Variants in SIPA1L3 observed in about 807,000 individuals in gnomAD.
SIPA1L3 encodes the protein signal induced proliferation associated 1 like 3.
Under a neutral mutation model 150.1 loss-of-function variants are expected in SIPA1L3, and 59 were observed. That is an observed-to-expected ratio of 0.39 (90% CI 0.32 to 0.49). SIPA1L3 has a LOEUF of 0.49. SIPA1L3 is among the 20% of genes least tolerant of loss of function. The pLI, the probability that SIPA1L3 is intolerant of heterozygous loss-of-function variation, is 0.86. For synonymous variants in SIPA1L3, 1,070 were observed against 1,077.6 expected, an observed-to-expected ratio of 0.99 and a Z score of 0.14; for missense variants, 2,211 against 2,489.5, an observed-to-expected ratio of 0.89 and a Z score of 2.38.
chr19:37,909,356 C>T (rs1374182611), intron 1 of SIPA1L3, among the ~76,000 whole-genome samples: 8 of 151,896 alleles, frequency 5.3e-5, no homozygotes, highest in Non-Finnish European at 8.8e-5. Flanking sequence ...TACAGGTGCC[C>T]GCCACCACAC....
At chr19:37,909,543 C>T (rs1369158014) in intron 1 of SIPA1L3, among the ~76,000 whole-genome samples, 2 of 152,158 alleles carry the variant, frequency 1.3e-5, no homozygotes, top group Non-Finnish European at 2.9e-5. Flanking sequence ...TAGGGATTAA[C>T]ATACGTAAAC....
chr19:38,082,270 C>A lies in SIPA1L3; in HGVS notation c.705C>A (p.Cys235Ter), dbSNP rs1369064842. 2 of 1,600,298 alleles carry A rather than the reference C, an allele frequency of 1.2e-6. No homozygotes were observed. The highest frequency in any genetic ancestry group is 1.7e-6 in the Non-Finnish European group (2 of 1,179,654). The change falls in exon 3 of 22, where the codon TGC (cysteine) becomes TGA (stop). Residue 235 changes from cysteine (C) to a stop codon, truncating the protein, a stop_gained. Transcript: ENST00000222345. LOFTEE classifies it high-confidence loss of function. ...GCGAGCAGCCCGACGCCCGAGGGTG[C>A]CAGGCCCTCACCGAGCTCCTCCGGG... ...FRSEQPDARGCQALTELLRAD... is the reference protein window; with the variant it reads ...FRSEQPDARG
chr19:38,011,148 T>C (rs1012004853), intron 1 of SIPA1L3, among the ~76,000 whole-genome samples: 1 of 152,130 alleles, frequency 6.6e-6, no homozygotes, highest in Non-Finnish European at 1.5e-5. Flanking sequence ...CCTGTACCCA[T>C]AGAGTTCATA....
chr19:37,973,357 C>G (rs149132449), intron 1 of SIPA1L3, among the ~76,000 whole-genome samples: 1,542 of 150,846 alleles, frequency 0.01, 32 homozygotes, highest in African/African-American at 0.036. Flanking sequence ...CTGCCTCAGT[C>G]TCCCAAGTAG....
At chr19:38,086,753 G>A (rs1470992848) in intron 3 of SIPA1L3, among the ~76,000 whole-genome samples, 1 of 152,228 alleles carries the variant, frequency 6.6e-6, no homozygotes, top group African/African-American at 2.4e-5. Flanking sequence ...ATCACAGCAG[G>A]CATAGGGACC....
chr19:37,979,907 C>T (rs1599862764), intron 1 of SIPA1L3, among the ~76,000 whole-genome samples: 1 of 152,230 alleles, frequency 6.6e-6, no homozygotes, highest in Non-Finnish European at 1.5e-5. Context: ...CTGTTGGTGC[C>T]TCCGCGTGCA....
chr19:37,947,348 G>A (rs1358542735), intron 1 of SIPA1L3, among the ~76,000 whole-genome samples: 1 of 152,006 alleles, frequency 6.6e-6, no homozygotes, highest in African/African-American at 2.4e-5. Context: ...AATTAGCTGG[G>A]TGTGGTGGCA....
intron 7 of SIPA1L3, among the ~76,000 whole-genome samples, chr19:38,107,526 G>A (rs1970649860): frequency 6.6e-6 from 1 of 152,248 alleles, no homozygotes; most frequent in African/African-American, 2.4e-5. Flanking sequence ...TGGGCCCACA[G>A]AGCAATTCTT....
At chr19:38,186,650 C>T (rs1262138955) in intron 16 of SIPA1L3, among the ~76,000 whole-genome samples, 2 of 151,506 alleles carry the variant, frequency 1.3e-5, no homozygotes, top group Non-Finnish European at 2.9e-5. Context: ...CCACCGCACC[C>T]GGCCCCTTTT....
Position 37,949,716 on chromosome 19 carries a change from C to T in SIPA1L3, c.-379+42358C>T, listed in dbSNP as rs113519270. The stretch of plus-strand genomic sequence containing the variant: ...TCTAGGAAGCCTGAAAGACCCACTC[C>T]CCTGCTGTCCTGGCCTAGGGTACAT... On this transcript the variant is annotated intron_variant, in intron 1 of 21. Coordinates refer to ENST00000222345, the MANE Select transcript of SIPA1L3 (RefSeq NM_015073.3). Among the ~76,000 whole-genome samples, 823 of 152,022 alleles carry T rather than the reference C, an allele frequency of 5.4e-3. 7 individuals are homozygous for T. Among genetic ancestry groups the T allele is most frequent in the African/African-American group, 0.019 (799 of 41,460 alleles).
chr19:38,005,633 C>G (rs1024198428), intron 1 of SIPA1L3, among the ~76,000 whole-genome samples: 1 of 152,186 alleles, frequency 6.6e-6, no homozygotes, highest in African/African-American at 2.4e-5. Context: ...AATGTCAGCT[C>G]CATAAAGGCA....
At chr19:38,029,349 T>C (rs912019262) in intron 2 of SIPA1L3, among the ~76,000 whole-genome samples, 193 bp downstream of exon 2, 2 of 152,150 alleles carry the variant, frequency 1.3e-5, no homozygotes, top group Non-Finnish European at 2.9e-5. Context: ...CTGCCAGACC[T>C]TTTCCCATAC....
chr19:38,187,534 G>T (rs958358921), intron 16 of SIPA1L3, among the ~76,000 whole-genome samples: 1 of 151,012 alleles, frequency 6.6e-6, no homozygotes, highest in Non-Finnish European at 1.5e-5. Context: ...TGGCTAACAC[G>T]GTGAAACCCC....
rs375276888 is a variant in SIPA1L3, at chr19:38,082,385, C to G, written c.820C>G (p.Leu274Val). ...GCCCGCCAAGGACAGCCTCCTGCCA[C>G]TGCAGCCCACGAAGGAGAAGGAGAA... ...GQPAKDSLLPLQPTKEKEKAR... is the reference protein window; with the variant it reads ...GQPAKDSLLPVQPTKEKEKAR... The change falls in exon 3 of 22, where the codon CTG (leucine) becomes GTG (valine). Residue 274 changes from leucine (L) to valine (V), a missense_variant. By Grantham distance (32) the Leu-to-Val change is conservative. Coordinates refer to ENST00000222345, the MANE Select transcript of SIPA1L3 (RefSeq NM_015073.3). 100 of 1,599,026 alleles carry G rather than the reference C, an allele frequency of 6.3e-5. No individual in the cohort carries two copies. The African/African-American group carries it at 9.9e-4, about 16-fold the overall frequency.
At chr19:38,174,247 G>T (rs941944511) in intron 15 of SIPA1L3, among the ~76,000 whole-genome samples, 1 of 152,144 alleles carries the variant, frequency 6.6e-6, no homozygotes, top group Non-Finnish European at 1.5e-5. Context: ...CGTCGCTTCT[G>T]CCCCACAGGC....
intron 1 of SIPA1L3, among the ~76,000 whole-genome samples, chr19:37,930,087 C>G (rs925101817): frequency 2.0e-5 from 3 of 148,602 alleles, no homozygotes; most frequent in African/African-American, 7.5e-5. Context: ...TGCAGTGGCG[C>G]GATCTCGGCT....
In SIPA1L3 at chr19:38,194,143, G is replaced by A. The variant is rs187700336; in HGVS notation, c.4840+363G>A. On this transcript the variant is annotated intron_variant, in intron 18 of 21. Transcript: ENST00000222345. ...CCTCCCACCCATTCCAGCTCTAAGC[G>A]GTTTGCTTCCTGAGCATTTTATTTG... Among the ~76,000 whole-genome samples, 280 of 147,128 alleles carry A rather than the reference G, an allele frequency of 1.9e-3. 1 individual carries two copies. Among genetic ancestry groups the A allele is most frequent in the African/African-American group, 6.3e-3 (252 of 40,264 alleles).
chr19:38,082,576 G>C lies in SIPA1L3; in HGVS notation c.1011G>C (p.Gln337His). ...PPEASRPWVC[Q>H]KSFAHFDVQS... ...AAGCCAGCAGGCCGTGGGTGTGTCAGAAGAGCTTCGCCCACTTCGACGTGC... is the reference window on the plus strand; with the variant it reads ...AAGCCAGCAGGCCGTGGGTGTGTCACAAGAGCTTCGCCCACTTCGACGTGC... Residue 337 changes from glutamine to histidine, a missense_variant, in exon 3 of 22, where the codon CAG becomes CAC. Physicochemically the swap from Gln to His is conservative, Grantham distance 24 (BLOSUM62 0). This residue lies in a region of SIPA1L3 where 587 missense variants were observed against 534.5 expected (regional missense o/e 1.10). Transcript: ENST00000222345. 3 of 1,604,220 alleles carry C rather than the reference G, an allele frequency of 1.9e-6. No homozygotes were observed. Among genetic ancestry groups the C allele is most frequent in the Non-Finnish European group, 2.5e-6 (3 of 1,179,306 alleles).
At position 38,081,551 on chromosome 19, in the gene SIPA1L3, C is replaced by A. The variant is rs575126283; in HGVS notation, c.-15C>A. ...ACAGCGTACGGGGCCAGCAGCACTC[C>A]AGTGCCCGTGGACTATGACCACCTA... On this transcript the variant is annotated 5_prime_UTR_variant, in exon 3 of 22. Coordinates refer to ENST00000222345, the MANE Select transcript of SIPA1L3 (RefSeq NM_015073.3). 2.6e-6 allele frequency: 4 copies of A among 1,561,858 alleles called. No homozygotes were observed. The highest frequency in any genetic ancestry group is 4.5e-5 in the East Asian group (2 of 44,190).
Sources: allele counts gnomAD v4.1 joint callset (sites outside exome capture counted in the v4.1 genomes callset), GRCh38; gene constraint gnomAD v4.1.1; regional missense constraint gnomAD v4.1.1; transcripts MANE v1.5; gene names NCBI Gene and HGNC (gene_info 2026-07-23, HGNC 2026-07-21).